The following AMPH variants were observed in gnomAD, a reference collection of about 807,000 sequenced individuals.
The protein encoded by AMPH is amphiphysin.
Under a neutral mutation model 99.1 loss-of-function variants are expected in AMPH, and 49 were observed. The ratio of observed to expected loss-of-function variants is 0.49; its 90% CI spans 0.39 to 0.63. The LOEUF is 0.63. Ranked by LOEUF, AMPH falls within the 20% of genes least tolerant of loss-of-function variation. The pLI, the probability that AMPH is intolerant of heterozygous loss-of-function variation, is 0.00. For synonymous variants in AMPH, 314 were observed against 317.3 expected, an observed-to-expected ratio of 0.99 and a Z score of 0.11; for missense variants, 759 against 863.4, an observed-to-expected ratio of 0.88 and a Z score of 1.52.
chr7:38,425,609 C>CT (rs1205128035), intron 15 of AMPH, among the ~76,000 whole-genome samples: 1 of 152,136 alleles, frequency 6.6e-6, no homozygotes, highest in Non-Finnish European at 1.5e-5. Flanking sequence ...TGATGGAACT[C>CT]TATCAGAGGA....
chr7:38,432,919 G>A (rs1786092640), intron 12 of AMPH, among the ~76,000 whole-genome samples: 1 of 152,134 alleles, frequency 6.6e-6, no homozygotes, highest in Non-Finnish European at 1.5e-5. Flanking sequence ...TGAATCCCGG[G>A]GAGTGAGGCC....
At chr7:38,551,029 C>A (rs915286594) in intron 1 of AMPH, among the ~76,000 whole-genome samples, 4 of 152,090 alleles carry the variant, frequency 2.6e-5, no homozygotes, top group African/African-American at 9.7e-5. Flanking sequence ...AAATGATAAA[C>A]CATCAGTGGC....
chr7:38,523,748 T>C (rs73122276), intron 2 of AMPH, among the ~76,000 whole-genome samples: 4,013 of 152,180 alleles, frequency 0.026, 86 homozygotes, highest in Admixed American at 0.053. Context: ...TGCTAATTAA[T>C]AAGTTTAGAA....
At chr7:38,539,384 G>T (rs74470323) in intron 1 of AMPH, among the ~76,000 whole-genome samples, 294 of 151,484 alleles carry the variant, frequency 1.9e-3, no homozygotes, top group Non-Finnish European at 3.3e-3. Flanking sequence ...AAGAATCAAA[G>T]GAGCAATACT....
At chr7:38,580,586 C>T (rs947377231) in intron 1 of AMPH, among the ~76,000 whole-genome samples, 4 of 152,134 alleles carry the variant, frequency 2.6e-5, no homozygotes, top group Non-Finnish European at 5.9e-5. Context: ...AGCTGGCCCA[C>T]TTTCCTCAGC....
chr7:38,485,554 TCAATTA>T (rs1217518283), intron 5 of AMPH, among the ~76,000 whole-genome samples: 1 of 151,852 alleles, frequency 6.6e-6, no homozygotes, highest in African/African-American at 2.4e-5. Flanking sequence ...AACCACAATT[TCAATTA>T]CAATTTCAAT....
At chr7:38,468,808 G>C (rs930573998) in intron 7 of AMPH, among the ~76,000 whole-genome samples, 2 of 152,134 alleles carry the variant, frequency 1.3e-5, no homozygotes, top group Non-Finnish European at 2.9e-5. Context: ...TCCACTATAA[G>C]AGCATATTCC....
At position 38,465,502 on chromosome 7, in the gene AMPH, G is replaced by T; in HGVS notation, c.714C>A (p.His238Gln). 1 of 1,585,562 alleles carries T rather than the reference G, an allele frequency of 6.3e-7. No homozygotes were observed. The highest frequency in any genetic ancestry group is 8.6e-7 in the Non-Finnish European group (1 of 1,164,206). ...YEVMTKLGDQHADKAFTIQGA... is the reference protein window; with the variant it reads ...YEVMTKLGDQQADKAFTIQGA... ...CTTGGATGGTGAAGGCCTTGTCGGCGTGCTGGTCACCCAGTTTTGTCATCA... is the reference window on the plus strand; with the variant it reads ...CTTGGATGGTGAAGGCCTTGTCGGCTTGCTGGTCACCCAGTTTTGTCATCA... Residue 238 changes from histidine (H) to glutamine (Q), a missense_variant, in exon 9 of 21, where the codon CAC (histidine) becomes CAA (glutamine). Transcript: ENST00000356264.
chr7:38,405,262 G>A (rs1036348886), intron 17 of AMPH, among the ~76,000 whole-genome samples: 1 of 152,122 alleles, frequency 6.6e-6, no homozygotes, highest in African/African-American at 2.4e-5. Context: ...GCACACATAA[G>A]TACAAAGTTC....
chr7:38,471,329 C>T (rs1319105029), intron 7 of AMPH, among the ~76,000 whole-genome samples: 1 of 152,154 alleles, frequency 6.6e-6, no homozygotes, highest in Non-Finnish European at 1.5e-5. Context: ...CTCAAGAATT[C>T]TCTTTAGAGT....
intron 1 of AMPH, among the ~76,000 whole-genome samples, chr7:38,552,445 T>G (rs544654134): frequency 6.6e-6 from 1 of 152,310 alleles, no homozygotes; most frequent in South Asian, 2.1e-4. Context: ...AATACCCAAT[T>G]TATACAACAC....
At chr7:38,615,603 T>C (rs1157658222) in intron 1 of AMPH, among the ~76,000 whole-genome samples, 1 of 151,724 alleles carries the variant, frequency 6.6e-6, no homozygotes, top group Non-Finnish European at 1.5e-5. Context: ...CTCTCCTCCC[T>C]GAGAAGTGAG....
chr7:38,488,359 T>C (rs1788591584), intron 5 of AMPH, among the ~76,000 whole-genome samples: 1 of 151,996 alleles, frequency 6.6e-6, no homozygotes, highest in Non-Finnish European at 1.5e-5. Flanking sequence ...AAAGGATGAG[T>C]TCATGTCCTT....
chr7:38,423,000 A>G (rs1362380625), intron 15 of AMPH, among the ~76,000 whole-genome samples: 12 of 152,234 alleles, frequency 7.9e-5, no homozygotes, highest in Admixed American at 7.2e-4. Flanking sequence ...GTAAGTTTTA[A>G]TAATAGTTAT....
intron 3 of AMPH, among the ~76,000 whole-genome samples, chr7:38,497,386 CA>C (rs1788971368): frequency 6.6e-6 from 1 of 152,086 alleles, no homozygotes; most frequent in African/African-American, 2.4e-5. Context: ...GCATCATATA[CA>C]GAAGAATTAT....
At chr7:38,428,495 T>C in intron 14 of AMPH, 1 of 456,746 alleles carries the variant, frequency 2.2e-6, no homozygotes, top group Non-Finnish European at 4.4e-6. Context: ...CCCTGTCACC[T>C]ACAAGAGCAT....
chr7:38,521,533 C>CA (rs1195177755), intron 2 of AMPH, among the ~76,000 whole-genome samples: 1 of 151,612 alleles, frequency 6.6e-6, no homozygotes, highest in East Asian at 1.9e-4. Flanking sequence ...AACAAACAAA[C>CA]AAAAAAGTAT....
intron 17 of AMPH, among the ~76,000 whole-genome samples, chr7:38,400,894 C>T (rs1258382664): frequency 1.3e-5 from 2 of 152,098 alleles, no homozygotes; most frequent in African/African-American, 4.8e-5. Flanking sequence ...TGTAACTGAT[C>T]ATAGGCATTT....
intron 15 of AMPH, among the ~76,000 whole-genome samples, chr7:38,422,793 AT>A (rs1487728379): frequency 6.6e-6 from 1 of 151,980 alleles, no homozygotes; most frequent in Admixed American, 6.6e-5. Flanking sequence ...TAATTTTTGC[AT>A]TTTTTTGTAT....
Sources: allele counts gnomAD v4.1 joint callset (sites outside exome capture counted in the v4.1 genomes callset), GRCh38; gene constraint gnomAD v4.1.1; transcripts MANE v1.5; gene names NCBI Gene and HGNC (gene_info 2026-07-23, HGNC 2026-07-21).